The following GRID2 variants were observed in gnomAD, a reference collection of about 807,000 sequenced individuals.
GRID2 encodes the protein glutamate receptor ionotropic, delta-2.
Under a neutral mutation model 114.8 loss-of-function variants are expected in GRID2, and 33 were observed. The ratio of observed to expected loss-of-function variants is 0.29; its 90% CI spans 0.22 to 0.38. GRID2 has a LOEUF of 0.38. Ranked by LOEUF, GRID2 falls within the 10% of genes least tolerant of loss-of-function variation. GRID2 has a pLI of 1.00. For missense variants in GRID2, 1,184 were observed against 1,257.7 expected (o/e 0.94, Z 0.89); for synonymous variants, 505 against 449.9 (o/e 1.12, Z -1.55).
intron 4 of GRID2, among the ~76,000 whole-genome samples, chr4:93,202,233 T>C (rs533049221): frequency 3.3e-5 from 5 of 152,258 alleles, no homozygotes; most frequent in Admixed American, 2.6e-4. Context: ...AATATTATTT[T>C]AATACCTTCA....
intron 12 of GRID2, among the ~76,000 whole-genome samples, chr4:93,505,514 T>C (rs1461748879): frequency 6.6e-6 from 1 of 150,966 alleles, no homozygotes; most frequent in Non-Finnish European, 1.5e-5. Context: ...CTTTTTACCA[T>C]GCACAGGAAA....
At chr4:92,875,993 C>T (rs1261617111) in intron 2 of GRID2, among the ~76,000 whole-genome samples, 1 of 152,118 alleles carries the variant, frequency 6.6e-6, no homozygotes, top group Admixed American at 6.6e-5. Context: ...GGCCTGGAAA[C>T]ATGTGGGACA....
intron 2 of GRID2, among the ~76,000 whole-genome samples, chr4:92,793,511 T>A (rs1324187877): frequency 6.6e-6 from 1 of 151,392 alleles, no homozygotes; most frequent in East Asian, 1.9e-4. Context: ...TTTACCTATG[T>A]AACAAATCTG....
At chr4:92,816,318 C>CAAAAAAAAAAAAAAAAAAAAAAAAAAAAA (rs764487348) in intron 2 of GRID2, among the ~76,000 whole-genome samples, 8 of 48,256 alleles carry the variant, frequency 1.7e-4, no homozygotes, top group East Asian at 1.4e-3. Flanking sequence ...TCTGTCTCAC[C>CAAAAAAAAAAAAAAAAAAAAAAAAAAAAA]AAAAAAAAAA....
intron 13 of GRID2, among the ~76,000 whole-genome samples, chr4:93,556,705 T>G (rs925797219): frequency 1.3e-5 from 2 of 152,102 alleles, no homozygotes; most frequent in African/African-American, 4.8e-5. Context: ...TTCCCCAACC[T>G]AGCAAGAGAG....
intron 13 of GRID2, among the ~76,000 whole-genome samples, chr4:93,545,022 A>C (rs1415183740): frequency 6.6e-6 from 1 of 152,084 alleles, no homozygotes; most frequent in Non-Finnish European, 1.5e-5. Flanking sequence ...TGAATTAATC[A>C]CTCACTTCTT....
At chr4:93,068,894 A>T (rs1728555371) in intron 2 of GRID2, among the ~76,000 whole-genome samples, 1 of 152,040 alleles carries the variant, frequency 6.6e-6, no homozygotes, top group Admixed American at 6.6e-5. Flanking sequence ...TCTGCAGGCT[A>T]TACAGGAAGC....
chr4:92,722,374 C>A (rs1230411425), intron 2 of GRID2, among the ~76,000 whole-genome samples: 1 of 152,086 alleles, frequency 6.6e-6, no homozygotes, highest in East Asian at 1.9e-4. Flanking sequence ...GGGAGCCTTA[C>A]CTCATGTTCT....
intron 14 of GRID2, among the ~76,000 whole-genome samples, chr4:93,628,817 G>A (rs1464409461): frequency 1.4e-5 from 2 of 148,062 alleles, no homozygotes; most frequent in East Asian, 4.0e-4. Context: ...CCAGGCTGCA[G>A]TGCAGTGGTG....
At chr4:93,489,830 G>A (rs1726804307) in intron 11 of GRID2, among the ~76,000 whole-genome samples, 1 of 151,956 alleles carries the variant, frequency 6.6e-6, no homozygotes, top group African/African-American at 2.4e-5. Context: ...AAAATAAAAT[G>A]AGTTCTGTTT....
At chr4:93,070,324 G>T (rs2149304306) in intron 2 of GRID2, among the ~76,000 whole-genome samples, 1 of 152,130 alleles carries the variant, frequency 6.6e-6, no homozygotes, top group East Asian at 1.9e-4. Flanking sequence ...TTTGTAAAGT[G>T]CATAGACAGT....
intron 1 of GRID2, among the ~76,000 whole-genome samples, chr4:92,414,771 A>G (rs1277518407): frequency 6.6e-6 from 1 of 152,176 alleles, no homozygotes; most frequent in Admixed American, 6.6e-5. Context: ...TACTGGGACT[A>G]TGTTAGTCTA....
intron 10 of GRID2, among the ~76,000 whole-genome samples, chr4:93,441,499 A>G (rs1580094650): frequency 6.6e-6 from 1 of 151,670 alleles, no homozygotes; most frequent in Non-Finnish European, 1.5e-5. Context: ...CTTTTTTTGC[A>G]ATGGTGAATA....
chr4:92,752,350 C>G (rs186511414), intron 2 of GRID2, among the ~76,000 whole-genome samples: 1 of 152,148 alleles, frequency 6.6e-6, no homozygotes, highest in Admixed American at 6.5e-5. Flanking sequence ...CACAGTAAAC[C>G]AATGAATTTG....
At chr4:93,339,673 T>A (rs1560516332) in intron 8 of GRID2, among the ~76,000 whole-genome samples, 3 of 147,378 alleles carry the variant, frequency 2.0e-5, no homozygotes, top group South Asian at 2.1e-4. Context: ...CAGGAAAAAA[T>A]TTTTCTTTAT....
At chr4:93,568,428 T>A (rs916878597) in intron 13 of GRID2, among the ~76,000 whole-genome samples, 2 of 152,168 alleles carry the variant, frequency 1.3e-5, no homozygotes, top group African/African-American at 2.4e-5. Flanking sequence ...TGATACTTCA[T>A]GTTCATGGAT....
At chr4:93,690,146 G>A (rs578186835) in intron 14 of GRID2, among the ~76,000 whole-genome samples, 1 of 152,026 alleles carries the variant, frequency 6.6e-6, no homozygotes. Flanking sequence ...CAAACTTTAT[G>A]TAAACATTCT....
At chr4:92,691,820 T>C (rs1734196469) in intron 2 of GRID2, among the ~76,000 whole-genome samples, 1 of 152,184 alleles carries the variant, frequency 6.6e-6, no homozygotes, top group Non-Finnish European at 1.5e-5. Context: ...CTTTCCAAGG[T>C]TCCTGAGTTT....
At chr4:92,978,520 C>G (rs959330912) in intron 2 of GRID2, among the ~76,000 whole-genome samples, 2 of 152,000 alleles carry the variant, frequency 1.3e-5, no homozygotes, top group African/African-American at 4.8e-5. Context: ...TGTTTCTTTT[C>G]TCAGGTTATC....
Sources: allele counts gnomAD v4.1 joint callset (sites outside exome capture counted in the v4.1 genomes callset), GRCh38; gene constraint gnomAD v4.1.1; transcripts MANE v1.5; gene names NCBI Gene and HGNC (gene_info 2026-07-23, HGNC 2026-07-21).